The following YAP1 variants were observed in gnomAD, a reference collection of about 807,000 sequenced individuals.
The protein encoded by YAP1 is Yes1 associated transcriptional regulator.
A neutral mutation model predicts 56.9 loss-of-function variants in YAP1; 5 were observed. The observed-to-expected ratio is 0.09, with a 90% CI of 0.05 to 0.18. The LOEUF (loss-of-function observed/expected upper bound fraction) is 0.18. Ranked by LOEUF, YAP1 falls within the 10% of genes least tolerant of loss-of-function variation. The probability of loss-of-function intolerance (pLI) is 1.00; values close to 1 mark genes in which losing one functional copy is unlikely to be tolerated. For missense variants in YAP1, 539 were observed against 651.8 expected, an observed-to-expected ratio of 0.83 and a Z score of 1.88; for synonymous variants, 265 against 248.1, an observed-to-expected ratio of 1.07 and a Z score of -0.64.
At chr11:102,125,418 C>T (rs533884050) in intron 2 of YAP1, among the ~76,000 whole-genome samples, 18 of 148,896 alleles carry the variant, frequency 1.2e-4, no homozygotes, top group African/African-American at 4.2e-4. Context: ...GCACTGTTGC[C>T]CAGGCTGGAG....
At chr11:102,190,675 C>G (rs1164034197) in intron 4 of YAP1, among the ~76,000 whole-genome samples, 1 of 148,734 alleles carries the variant, frequency 6.7e-6, no homozygotes, top group Non-Finnish European at 1.5e-5. Context: ...CAGTGGCTCA[C>G]GCCTGTAATC....
chr11:102,212,553 G>A (rs948832401), intron 6 of YAP1, among the ~76,000 whole-genome samples: 3 of 151,048 alleles, frequency 2.0e-5, no homozygotes, highest in Admixed American at 2.0e-4. Flanking sequence ...CATCCTTACA[G>A]AGCTTAACTT....
At chr11:102,213,638 A>G (rs534069339) in intron 6 of YAP1, among the ~76,000 whole-genome samples, 15 of 152,258 alleles carry the variant, frequency 9.9e-5, no homozygotes, top group African/African-American at 3.6e-4. Flanking sequence ...ATTATTAGCT[A>G]AGTGTACTCC....
intron 2 of YAP1, among the ~76,000 whole-genome samples, chr11:102,155,802 A>C (rs1484242379): frequency 6.6e-6 from 1 of 152,210 alleles, no homozygotes; most frequent in Non-Finnish European, 1.5e-5. Flanking sequence ...TATACAGTGA[A>C]TGTGGTTCCA....
At chr11:102,112,178 A>C (rs1942978627) in intron 1 of YAP1, among the ~76,000 whole-genome samples, 1 of 152,228 alleles carries the variant, frequency 6.6e-6, no homozygotes, top group South Asian at 2.1e-4. Context: ...AGTCCTGCCT[A>C]GTTCAACTGT....
intron 2 of YAP1, among the ~76,000 whole-genome samples, chr11:102,126,780 T>C (rs1459072994): frequency 6.6e-6 from 1 of 152,028 alleles, no homozygotes; most frequent in African/African-American, 2.4e-5. Context: ...GACAAGAAAA[T>C]GTGGGAAAGT....
intron 3 of YAP1, among the ~76,000 whole-genome samples, chr11:102,162,825 A>T (rs1209991671): frequency 1.3e-5 from 2 of 152,208 alleles, no homozygotes; most frequent in East Asian, 3.8e-4. Flanking sequence ...TGAAGCGGGT[A>T]TCTCAAATTT....
Position 102,206,011 on chromosome 11 carries a change from A to T in YAP1, c.921A>T (p.Arg307=). The T allele has an allele frequency of 1.2e-6, 2 of 1,614,022 alleles. No individual in the cohort carries two copies. The highest frequency in any genetic ancestry group is 1.7e-6 in the Non-Finnish European group (2 of 1,179,982). Residue 307 remains arginine, a synonymous_variant, in exon 5 of 9, where the codon CGA becomes CGT. Coordinates refer to ENST00000282441, the MANE Select transcript of YAP1 (RefSeq NM_001130145.3). ...ACTCCAACCAGCAGCAACAGATGCG[A>T]CTGCAGCAACTGCAGATGGAGAAGG... ...GSNSNQQQQM[R]LQQLQMEKER... is the part of the protein sequence containing the mutation.
At chr11:102,162,711 A>G in intron 3 of YAP1, 140 bp downstream of exon 3, 1 of 797,694 alleles carries the variant, frequency 1.3e-6, no homozygotes, top group South Asian at 1.7e-5. Context: ...TACAGAAGAC[A>G]TAGTCTATTT....
At chr11:102,229,529 G>C (rs1432801203) in intron 8 of YAP1, among the ~76,000 whole-genome samples, 173 bp from the exon 9 acceptor site, 1 of 152,092 alleles carries the variant, frequency 6.6e-6, no homozygotes, top group Admixed American at 6.5e-5. Flanking sequence ...AAGTAAACTT[G>C]GCATTGTTAT....
chr11:102,187,946 C>T (rs1948066497), intron 4 of YAP1, among the ~76,000 whole-genome samples: 2 of 152,150 alleles, frequency 1.3e-5, no homozygotes, highest in South Asian at 4.1e-4. Context: ...TGACAATATG[C>T]CAGAGCTTTT....
In YAP1 at chr11:102,192,223, T is replaced by C. The variant is rs17097483; in HGVS notation, c.802+6092T>C. Among the ~76,000 whole-genome samples, 1,094 of 152,358 alleles carry C rather than the reference T, an allele frequency of 7.2e-3. 17 individuals carry two copies. Among genetic ancestry groups the C allele is most frequent in the African/African-American group, 0.025 (1,058 of 41,582 alleles). On this transcript the variant is annotated intron_variant, in intron 4 of 8. Transcript: ENST00000282441. ...GTGAATACAGCTCTAATCCCAGCAGTGTTCTCTTCTAACTGTGGTTTCTCT... is the reference window on the plus strand; with the variant it reads ...GTGAATACAGCTCTAATCCCAGCAGCGTTCTCTTCTAACTGTGGTTTCTCT...
intron 6 of YAP1, among the ~76,000 whole-genome samples, chr11:102,219,763 G>C (rs1028020916): frequency 1.3e-5 from 2 of 151,432 alleles, no homozygotes; most frequent in Non-Finnish European, 3.0e-5. Context: ...TGTTTGTTTT[G>C]TTTTTTGTTT....
chr11:102,144,203 A>T (rs1945188404), intron 2 of YAP1, among the ~76,000 whole-genome samples: 1 of 152,232 alleles, frequency 6.6e-6, no homozygotes. Flanking sequence ...GACATTGTAG[A>T]AATGATTATT....
chr11:102,183,332 A>C (rs903916273), intron 3 of YAP1, among the ~76,000 whole-genome samples: 17 of 152,242 alleles, frequency 1.1e-4, no homozygotes, highest in African/African-American at 3.9e-4. Context: ...TCAGAAATGA[A>C]TCCAGCTAGT....
chr11:102,163,764 T>G (rs1946433704), intron 3 of YAP1, among the ~76,000 whole-genome samples: 1 of 152,208 alleles, frequency 6.6e-6, no homozygotes, highest in Non-Finnish European at 1.5e-5. Flanking sequence ...GTTCCTTGAC[T>G]AGGCGAATTC....
chr11:102,111,751 G>GT (rs1307197378), intron 1 of YAP1, among the ~76,000 whole-genome samples: 1 of 152,156 alleles, frequency 6.6e-6, no homozygotes, highest in African/African-American at 2.4e-5. Flanking sequence ...TTGTTCTCTT[G>GT]TTTTCCAGTG....
intron 2 of YAP1, among the ~76,000 whole-genome samples, chr11:102,119,653 A>C (rs1943529712): frequency 7.0e-6 from 1 of 143,544 alleles, no homozygotes; most frequent in Non-Finnish European, 1.5e-5. Context: ...AAAAAAAAAA[A>C]ACCCAGGTTT....
At chr11:102,133,250 A>G (rs1017853652) in intron 2 of YAP1, among the ~76,000 whole-genome samples, 3 of 152,180 alleles carry the variant, frequency 2.0e-5, no homozygotes, top group African/African-American at 7.2e-5. Context: ...AATTCTTACT[A>G]AGCTCTAGGA....
Sources: allele counts gnomAD v4.1 joint callset (sites outside exome capture counted in the v4.1 genomes callset), GRCh38; gene constraint gnomAD v4.1.1; transcripts MANE v1.5; gene names NCBI Gene and HGNC (gene_info 2026-07-23, HGNC 2026-07-21).